PPP2R2C: variants seen among roughly 807,000 people sequenced by gnomAD.
The protein encoded by PPP2R2C is protein phosphatase 2, regulatory subunit B, gamma.
In PPP2R2C, 10 loss-of-function variants were observed where a neutral mutation model predicts 45.3. The ratio of observed to expected loss-of-function variants is 0.22; its 90% CI spans 0.14 to 0.37. PPP2R2C has a LOEUF of 0.37. PPP2R2C is among the 10% of genes least tolerant of loss of function. PPP2R2C has a pLI of 1.00. For synonymous variants in PPP2R2C, 257 were observed against 245.4 expected (o/e 1.05, Z -0.44); for missense variants, 308 against 619.7 (o/e 0.50, Z 5.34).
intron 1 of PPP2R2C, among the ~76,000 whole-genome samples, chr4:6,549,527 C>A (rs1725110261): frequency 6.6e-6 from 1 of 152,166 alleles, no homozygotes; most frequent in Non-Finnish European, 1.5e-5. Context: ...CTCACCTGTG[C>A]CTTCCTGGGC....
intron 1 of PPP2R2C, among the ~76,000 whole-genome samples, chr4:6,396,555 G>A (rs536618414): frequency 6.6e-6 from 1 of 152,360 alleles, no homozygotes; most frequent in African/African-American, 2.4e-5. Context: ...GCCATGAGGA[G>A]GACAATGGCA....
chr4:6,384,144 T>G, intron 1 of PPP2R2C: 1 of 985,510 alleles, frequency 1.0e-6, no homozygotes. Context: ...CAGCCTGCCC[T>G]GGCCCAGGGA....
At chr4:6,479,605 T>G (rs1722280261) in intron 2 of PPP2R2C, among the ~76,000 whole-genome samples, 1 of 152,140 alleles carries the variant, frequency 6.6e-6, no homozygotes, top group Non-Finnish European at 1.5e-5. Flanking sequence ...GACAGAAAAT[T>G]TGGAAGTAAA....
At chr4:6,523,855 T>A (rs1333564616) in intron 2 of PPP2R2C, among the ~76,000 whole-genome samples, 2 of 152,214 alleles carry the variant, frequency 1.3e-5, no homozygotes, top group Non-Finnish European at 2.9e-5. Flanking sequence ...AAGCAAAATG[T>A]GGTCCACTCA....
intron 5 of PPP2R2C, among the ~76,000 whole-genome samples, chr4:6,357,260 G>A (rs1474363392): frequency 6.6e-6 from 1 of 152,258 alleles, no homozygotes; most frequent in African/African-American, 2.4e-5. Context: ...GGCAAGGAGG[G>A]GCTGTCAGGT....
At chr4:6,447,527 A>T (rs1347413676) in intron 1 of PPP2R2C, among the ~76,000 whole-genome samples, 1 of 54,376 alleles carries the variant, frequency 1.8e-5, no homozygotes, top group African/African-American at 7.0e-5. Flanking sequence ...CCCCACCCCC[A>T]CCCCCACCCC....
At chr4:6,373,900 C>CGTGTGT (rs1560492609) in intron 4 of PPP2R2C, among the ~76,000 whole-genome samples, 1,790 of 123,870 alleles carry the variant, frequency 0.014, 12 homozygotes, top group South Asian at 0.026. Context: ...TATGTGCATG[C>CGTGTGT]ATGTGTGTGT....
At chr4:6,508,786 A>G (rs1723326918) in intron 2 of PPP2R2C, among the ~76,000 whole-genome samples, 1 of 152,212 alleles carries the variant, frequency 6.6e-6, no homozygotes, top group African/African-American at 2.4e-5. Context: ...GCACAACTTC[A>G]GTAAACACAT....
chr4:6,413,566 G>C lies in PPP2R2C; in HGVS notation c.71-32472C>G, dbSNP rs187489838. On this transcript the variant is annotated intron_variant, in intron 1 of 8. Coordinates refer to ENST00000382599, the MANE Select transcript of PPP2R2C (RefSeq NM_020416.4). ...GGTGGGTGTGCATCCCAGAGGCTGGGGATGTTTGTCCTGGTGCAGTTATCA... is the reference window on the plus strand; with the variant it reads ...GGTGGGTGTGCATCCCAGAGGCTGGCGATGTTTGTCCTGGTGCAGTTATCA... Among the ~76,000 whole-genome samples, 13 of 152,310 alleles carry C rather than the reference G, an allele frequency of 8.5e-5. No homozygotes were observed. In the East Asian group the frequency reaches 2.5e-3, roughly 29 times the overall value.
intron 2 of PPP2R2C, among the ~76,000 whole-genome samples, chr4:6,524,708 G>A (rs950518437): frequency 7.2e-5 from 11 of 152,194 alleles, no homozygotes; most frequent in Non-Finnish European, 1.3e-4. Flanking sequence ...TCAGGCTTCC[G>A]TTAATCACAA....
intron 1 of PPP2R2C, among the ~76,000 whole-genome samples, chr4:6,561,747 C>T (rs1725584843): frequency 6.6e-6 from 1 of 152,136 alleles, no homozygotes; most frequent in South Asian, 2.1e-4. Flanking sequence ...GCGTTTAGAA[C>T]CCAGGGACTG....
At chr4:6,418,142 C>T (rs1489688897) in intron 1 of PPP2R2C, among the ~76,000 whole-genome samples, 3 of 152,184 alleles carry the variant, frequency 2.0e-5, no homozygotes, top group Admixed American at 6.5e-5. Context: ...AACCTACAGA[C>T]GGTGCTGGGA....
chr4:6,384,112 C>G (rs1716053897), intron 1 of PPP2R2C: 1 of 985,440 alleles, frequency 1.0e-6, no homozygotes, highest in Non-Finnish European at 1.2e-6. Flanking sequence ...CCCAGCTGTC[C>G]TGACATTGTC....
At chr4:6,560,060 G>C (rs1725525660) in intron 1 of PPP2R2C, among the ~76,000 whole-genome samples, 1 of 152,256 alleles carries the variant, frequency 6.6e-6, no homozygotes, top group South Asian at 2.1e-4. Context: ...GGTGTTGGGG[G>C]AACCACAGGG....
upstream of PPP2R2C, among the ~76,000 whole-genome samples, chr4:6,472,708 G>T (rs1266856873): frequency 2.6e-5 from 4 of 151,622 alleles, no homozygotes; most frequent in African/African-American, 9.7e-5. Context: ...TGGAGCCGGC[G>T]CCCAAGCCGA....
chr4:6,509,651 G>A (rs1273502999), intron 2 of PPP2R2C, among the ~76,000 whole-genome samples: 1 of 152,142 alleles, frequency 6.6e-6, no homozygotes, highest in East Asian at 1.9e-4. Flanking sequence ...GCTCAACCCT[G>A]CCCTTGTGCC....
At chr4:6,509,510 C>T (rs145307340) in intron 2 of PPP2R2C, among the ~76,000 whole-genome samples, 1 of 152,120 alleles carries the variant, frequency 6.6e-6, no homozygotes, top group East Asian at 1.9e-4. Context: ...AGGAGGTAAA[C>T]CTTTACACCA....
At chr4:6,510,983 AAAAAAACAAACAAAC>A (rs1302345638) in intron 2 of PPP2R2C, among the ~76,000 whole-genome samples, 2 of 39,742 alleles carry the variant, frequency 5.0e-5, no homozygotes, top group South Asian at 2.1e-3. Flanking sequence ...TCTCAAACAA[AAAAAAACAAACAAAC>A]AAAAAAAAAA....
Position 6,324,157 on chromosome 4 carries a change from C to T in PPP2R2C, c.1053-564G>A, listed in dbSNP as rs1263467588. 3.3e-5 allele frequency among the ~76,000 whole-genome samples: 5 copies of T among 151,954 alleles called. No homozygotes were observed. The highest frequency in any genetic ancestry group is 4.8e-5 in the African/African-American group (2 of 41,366). On this transcript the variant is annotated intron_variant, in intron 8 of 8. Transcript: ENST00000382599. The surrounding 1 kb of genome is among the most constrained non-coding windows in gnomAD (Gnocchi z 4.1). The stretch of plus-strand genomic sequence containing the variant: ...TCATGAAAATACCCTCCTGGCCAGG[C>T]GTGGTGGCTCACACCTGTAATCCCA...
Sources: allele counts gnomAD v4.1 joint callset (sites outside exome capture counted in the v4.1 genomes callset), GRCh38; gene constraint gnomAD v4.1.1; non-coding constraint Gnocchi (gnomAD v3.1); transcripts MANE v1.5; gene names NCBI Gene and HGNC (gene_info 2026-07-23, HGNC 2026-07-21).